Variants in FAM20C observed in about 807,000 individuals in gnomAD.
FAM20C encodes the protein FAM20C golgi associated secretory pathway kinase.
A neutral mutation model predicts 51.5 loss-of-function variants in FAM20C; 40 were observed. That is an observed-to-expected ratio of 0.78 (90% CI 0.60 to 1.01). The LOEUF (loss-of-function observed/expected upper bound fraction) is 1.01. Among genes scored for constraint, FAM20C ranks in the 50% least tolerant of loss-of-function variants. FAM20C has a pLI of 0.00. For missense variants in FAM20C, 861 were observed against 844.7 expected, an observed-to-expected ratio of 1.02 and a Z score of -0.24; for synonymous variants, 406 against 380.6, an observed-to-expected ratio of 1.07 and a Z score of -0.78.
rs1258344144 is a variant in FAM20C, at chr7:257,884, A to C, written c.1446-762A>C. Among the ~76,000 whole-genome samples, 47 of 123,084 alleles carry C rather than the reference A, an allele frequency of 3.8e-4. 5 individuals are homozygous for C. The highest frequency in any genetic ancestry group is 1.7e-3 in the African/African-American group (46 of 26,920). The allele number at this position is 123,084 out of a possible 152,430, so 80.7% of individuals were successfully genotyped here. A position where few individuals can be genotyped will look rare whatever the true frequency, so the allele number is the denominator to read the frequency against. ...GCTGGAGATGGGGCTGGGTGGACCC[A>C]CTGCCCAGGATGCTGGAGATGGGCT... On this transcript the variant is annotated intron_variant, in intron 8 of 9. Transcript: ENST00000313766.
intron 2 of FAM20C, among the ~76,000 whole-genome samples, chr7:198,774 T>G (rs1480645387): frequency 1.3e-5 from 2 of 152,264 alleles, no homozygotes; most frequent in East Asian, 3.9e-4. Context: ...TGCAGCATTT[T>G]GGGGGAAGCT....
chr7:193,078 G>T lies in FAM20C; in HGVS notation c.-122G>T, dbSNP rs1376767755. 2.4e-6 allele frequency: 2 copies of T among 846,910 alleles called. No individual in the cohort carries two copies. Among genetic ancestry groups the T allele is most frequent in the Admixed American group, 9.8e-5 (2 of 20,362 alleles). The allele number at this position is 846,910 out of a possible 1,614,324, so 52.5% of individuals were successfully genotyped here. ...GCCCGGGCCCGGGGACAGCCCCGGAGCTGGTAGCCGCCCGGCACCGATGGA... is the reference window on the plus strand; with the variant it reads ...GCCCGGGCCCGGGGACAGCCCCGGATCTGGTAGCCGCCCGGCACCGATGGA... On this transcript the variant is annotated 5_prime_UTR_variant, in exon 1 of 10. Transcript: ENST00000313766.
Position 193,098 on chromosome 7 carries a change from GAT to G in FAM20C, c.-101_-100del. The stretch of plus-strand genomic sequence containing the variant: ...CCGGAGCTGGTAGCCGCCCGGCACC[GAT>G]GGACCTTGACCCGCGAGGCGGCGCC... On this transcript the variant is annotated 5_prime_UTR_variant, in exon 1 of 10. An upstream start codon of the reference 5' UTR is lost. Transcript: ENST00000313766. The G allele has an allele frequency of 9.0e-7, 1 of 1,108,318 alleles. No homozygotes were observed. The highest frequency in any genetic ancestry group is 1.7e-5 in the African/African-American group (1 of 58,964). 68.7% of individuals were successfully genotyped at this position (1,108,318 alleles called of 1,614,324 possible).
chr7:257,253 C>A lies in FAM20C; in HGVS notation c.1445+167C>A, dbSNP rs1213958416. 1.3e-5 allele frequency: 9 copies of A among 719,924 alleles called. No homozygotes were observed. In the Admixed American group the frequency reaches 2.0e-4, roughly 16 times the overall value. The allele number at this position is 719,924 out of a possible 1,614,324, so 44.6% of individuals were successfully genotyped here. A position where few individuals can be genotyped will look rare whatever the true frequency, so the allele number is the denominator to read the frequency against. On this transcript the variant is annotated intron_variant, in intron 8 of 9. Transcript: ENST00000313766. The stretch of plus-strand genomic sequence containing the variant: ...CAGATGCAGAGGGCGGCCCCAGGCC[C>A]CAACCAGGAGGGAGGGCCGCCCCGG...
intron 3 of FAM20C, among the ~76,000 whole-genome samples, chr7:237,269 C>T (rs2115130690): frequency 6.6e-6 from 1 of 152,316 alleles, no homozygotes; most frequent in South Asian, 2.1e-4. Context: ...CACCTGGATT[C>T]CACGTGCATG....
At chr7:217,640 G>A (rs1181314459) in intron 3 of FAM20C, among the ~76,000 whole-genome samples, 2 of 152,126 alleles carry the variant, frequency 1.3e-5, no homozygotes, top group African/African-American at 4.8e-5. Flanking sequence ...GGCCTTTCTC[G>A]CACCCATGTC....
chr7:259,974 G>T lies in FAM20C; in HGVS notation c.1749G>T (p.Ala583=). The T allele has an allele frequency of 6.6e-7, 1 of 1,511,960 alleles. No homozygotes were observed. Among genetic ancestry groups the T allele is most frequent in the South Asian group, 1.2e-5 (1 of 82,874 alleles). The allele number at this position is 1,511,960 out of a possible 1,614,324, so 93.7% of individuals were successfully genotyped here. ...ACACTGAGCACAGAGCCGCCTCGGC[G>T]AGGTAGTGTCCGCCGGCCGCTGCGC... is the stretch of plus-strand genomic sequence containing the variant. ...DLDTEHRAAS[A]R is the part of the protein sequence containing the mutation. Residue 583 remains alanine (A), a synonymous_variant, in exon 10 of 10, where the codon GCG becomes GCT. Transcript: ENST00000313766.
intron 3 of FAM20C, among the ~76,000 whole-genome samples, chr7:214,723 A>G (rs1786879834): frequency 6.6e-6 from 1 of 151,812 alleles, no homozygotes; most frequent in Admixed American, 6.6e-5. Flanking sequence ...GGCCTAGGAG[A>G]CCCGGCACTG....
intron 3 of FAM20C, among the ~76,000 whole-genome samples, chr7:219,110 G>A (rs1213058718): frequency 6.6e-6 from 1 of 152,008 alleles, no homozygotes; most frequent in African/African-American, 2.4e-5. Flanking sequence ...TGGTGGTGGT[G>A]TTTGGAGGCA....
chr7:199,075 C>T (rs192813494), intron 2 of FAM20C, among the ~76,000 whole-genome samples: 1 of 152,324 alleles, frequency 6.6e-6, no homozygotes, highest in East Asian at 1.9e-4. Context: ...GGGAACGGCA[C>T]AAGAGGGCTG....
At chr7:201,184 C>T (rs1018042489) in intron 2 of FAM20C, among the ~76,000 whole-genome samples, 2 of 152,222 alleles carry the variant, frequency 1.3e-5, no homozygotes, top group African/African-American at 2.4e-5. Flanking sequence ...GAATAACTGA[C>T]CCTTGAGGCC....
chr7:202,845 C>T (rs542965597), intron 2 of FAM20C, among the ~76,000 whole-genome samples: 2 of 151,360 alleles, frequency 1.3e-5, no homozygotes, highest in South Asian at 4.2e-4. Flanking sequence ...GTGTGCATAG[C>T]GAGGACGGGT....
chr7:231,174 C>A (rs1020236835), intron 3 of FAM20C, among the ~76,000 whole-genome samples: 2 of 152,184 alleles, frequency 1.3e-5, no homozygotes, highest in Non-Finnish European at 2.9e-5. Flanking sequence ...CCGACCCCAA[C>A]CATCATGCAG....
intron 5 of FAM20C, among the ~76,000 whole-genome samples, chr7:251,186 CCGGG>C (rs1309136658): frequency 8.0e-5 from 12 of 150,066 alleles, no homozygotes; most frequent in African/African-American, 2.7e-4. Context: ...CACTGAGTGG[CCGGG>C]CACGGCGGCT....
chr7:230,372 T>TTGGGGGG (rs770436412), intron 3 of FAM20C, among the ~76,000 whole-genome samples: 3 of 7,466 alleles, frequency 4.0e-4, no homozygotes, highest in Admixed American at 2.1e-3. Flanking sequence ...CAGGACGGGG[T>TTGGGGGG]GGGGGGGGGG....
At chr7:255,008 G>A (rs553734846) in intron 5 of FAM20C, among the ~76,000 whole-genome samples, 1 of 152,366 alleles carries the variant, frequency 6.6e-6, no homozygotes, top group East Asian at 1.9e-4. Flanking sequence ...GGACATTTGG[G>A]TGGATTCTCT....
chr7:247,470 T>C (rs1788214069), intron 4 of FAM20C, among the ~76,000 whole-genome samples: 1 of 152,138 alleles, frequency 6.6e-6, no homozygotes, highest in African/African-American at 2.4e-5. Context: ...CCTGGGCTAG[T>C]TGGAATGCAG....
chr7:253,214 C>T (rs146576484), intron 5 of FAM20C, among the ~76,000 whole-genome samples: 2,826 of 152,324 alleles, frequency 0.019, 49 homozygotes, highest in Non-Finnish European at 0.033. Context: ...GTCCGCCGGG[C>T]CCGCAGCTGT....
At position 235,314 on chromosome 7, in the gene FAM20C, G is replaced by T. The variant is rs993389062; in HGVS notation, c.864-11101G>T. Reference sequence around the variant, plus strand: ...TGGGGTATCCGGCGCCTTCTGAAATGCCGGACGCACGTGGACTGCCGATCT... The same window carrying T: ...TGGGGTATCCGGCGCCTTCTGAAATTCCGGACGCACGTGGACTGCCGATCT... On this transcript the variant is annotated intron_variant, in intron 3 of 9. Transcript: ENST00000313766. Among the ~76,000 whole-genome samples, 291 of 152,194 alleles carry T rather than the reference G, an allele frequency of 1.9e-3. 4 individuals are homozygous for T. Among genetic ancestry groups the T allele is most frequent in the African/African-American group, 6.6e-3 (275 of 41,510 alleles).
Sources: gnomAD v4.1 joint callset for allele counts (sites outside exome capture counted in the v4.1 genomes callset) on GRCh38, gnomAD v4.1.1 for gene constraint, MANE v1.5 for transcripts, NCBI Gene and HGNC (gene_info 2026-07-23, HGNC 2026-07-21) for gene names.